HYKK: variants seen among roughly 807,000 people sequenced by gnomAD.
HYKK encodes the protein 5-hydroxy-L-lysine kinase.
A neutral mutation model predicts 29.7 loss-of-function variants in HYKK; 19 were observed. That is an observed-to-expected ratio of 0.64 (90% CI 0.45 to 0.94). The LOEUF (loss-of-function observed/expected upper bound fraction) is 0.94. Among genes scored for constraint, HYKK ranks in the 40% least tolerant of loss-of-function variants. The probability of loss-of-function intolerance (pLI) is 0.00; values close to 1 mark genes in which losing one functional copy is unlikely to be tolerated. For synonymous variants in HYKK, 152 were observed against 158.1 expected (o/e 0.96, Z 0.29); for missense variants, 390 against 443.4 (o/e 0.88, Z 1.08).
At position 78,533,391 on chromosome 15, in the gene HYKK, A is replaced by G. The variant is rs767577812; in HGVS notation, c.843A>G (p.Ile281Met). 4 of 1,614,208 alleles carry G rather than the reference A, an allele frequency of 2.5e-6. No homozygotes were observed. The highest frequency in any genetic ancestry group is 3.4e-6 in the Non-Finnish European group (4 of 1,180,036). The change falls in exon 5 of 5, where the codon ATA becomes ATG. Residue 281 changes from isoleucine (I) to methionine (M), a missense_variant. By Grantham distance (10) the Ile-to-Met change is conservative. Coordinates refer to ENST00000388988, the MANE Select transcript of HYKK (RefSeq NM_001013619.4). ...MYMMIESKSPIQVGGHVLAGF... is the reference protein window; with the variant it reads ...MYMMIESKSPMQVGGHVLAGF... ...TGATGATTGAGAGCAAGAGTCCTAT[A>G]CAAGTAGGAGGCCATGTCCTTGCAG...
At chr15:78,524,535 T>C (rs928413666) in intron 3 of HYKK, among the ~76,000 whole-genome samples, 7 of 152,204 alleles carry the variant, frequency 4.6e-5, no homozygotes, top group African/African-American at 1.7e-4. Flanking sequence ...TTTTCCCCAT[T>C]GTCTTGGCTA....
Position 78,515,053 on chromosome 15 carries a change from C to G in HYKK, c.423C>G (p.Pro141=). The change falls in exon 3 of 5, where the codon CCC becomes CCG. Residue 141 remains proline (P), a synonymous_variant. Transcript: ENST00000388988. ...CCATCGCTGAGCTTCCCGTCAGCCCCCAGCTATTGTATGAAATTGGAAAAC... is the reference window on the plus strand; with the variant it reads ...CCATCGCTGAGCTTCCCGTCAGCCCGCAGCTATTGTATGAAATTGGAAAAC... The part of the protein sequence containing the change: ...GRPIAELPVS[P]QLLYEIGKLA... 6.2e-7 allele frequency: 1 copy of G among 1,603,766 alleles called. No individual in the cohort carries two copies. The highest frequency in any genetic ancestry group is 1.7e-5 in the Admixed American group (1 of 59,306).
chr15:78,521,919 C>T (rs921229606), intron 3 of HYKK, among the ~76,000 whole-genome samples: 1 of 151,930 alleles, frequency 6.6e-6, no homozygotes, highest in African/African-American at 2.4e-5. Flanking sequence ...GAGCCTTCCC[C>T]GAGTAGACTG....
In HYKK at chr15:78,514,999, G is replaced by A; in HGVS notation, c.369G>A (p.Val123=). Residue 123 remains valine, a synonymous_variant, in exon 3 of 5, where the codon GTG becomes GTA. Transcript: ENST00000388988. The part of the protein sequence containing the change: ...DSGSEIKSYL[V]RLLTYLPGRP... Reference sequence around the variant, plus strand: ...GCTCTGAAATCAAAAGCTACTTGGTGAGGCTGCTGACTTACCTCCCAGGAA... The same window carrying A: ...GCTCTGAAATCAAAAGCTACTTGGTAAGGCTGCTGACTTACCTCCCAGGAA... 1 of 1,583,900 alleles carries A rather than the reference G, an allele frequency of 6.3e-7. No individual in the cohort carries two copies. The highest frequency in any genetic ancestry group is 8.6e-7 in the Non-Finnish European group (1 of 1,163,532).
At chr15:78,526,750 A>G (rs910838522) in intron 3 of HYKK, among the ~76,000 whole-genome samples, 5 of 152,224 alleles carry the variant, frequency 3.3e-5, no homozygotes, top group African/African-American at 4.8e-5. Flanking sequence ...ATCTTTACAT[A>G]ATTATGAGGA....
intron 1 of HYKK, among the ~76,000 whole-genome samples, chr15:78,510,388 G>A (rs2052062362): frequency 6.6e-6 from 1 of 151,676 alleles, no homozygotes; most frequent in South Asian, 2.1e-4. Flanking sequence ...TAGTAGAGAT[G>A]GGGTTTCGCC....
intron 4 of HYKK, among the ~76,000 whole-genome samples, chr15:78,531,228 T>G (rs2052309161): frequency 6.6e-6 from 1 of 152,162 alleles, no homozygotes; most frequent in Non-Finnish European, 1.5e-5. Context: ...ATTAGACAGA[T>G]CAAGCTCTAT....
intron 1 of HYKK, among the ~76,000 whole-genome samples, chr15:78,512,403 T>C (rs1221136355): frequency 6.9e-6 from 1 of 144,034 alleles, no homozygotes; most frequent in African/African-American, 2.6e-5. Context: ...TCTTTTTCTT[T>C]TTTTTTTTTT....
chr15:78,518,639 C>T (rs542964951), intron 3 of HYKK: 8 of 454,300 alleles, frequency 1.8e-5, no homozygotes, highest in Middle Eastern at 5.8e-4. Context: ...AAGACCAGGC[C>T]GGGCGCAGTA....
rs2052116914 is a variant in HYKK, at chr15:78,515,064, A to T, written c.434A>T (p.Tyr145Phe). 6.3e-7 allele frequency: 1 copy of T among 1,599,438 alleles called. No homozygotes were observed. Among genetic ancestry groups the T allele is most frequent in the Non-Finnish European group, 8.5e-7 (1 of 1,172,110 alleles). ...CTTCCCGTCAGCCCCCAGCTATTGT[A>T]TGAAATTGGAAAACTAGCTGCCAAA... ...AELPVSPQLL[Y>F]EIGKLAAKLD... The change falls in exon 3 of 5, where the codon TAT becomes TTT. Residue 145 changes from tyrosine to phenylalanine, a missense_variant. By Grantham distance (22) the Tyr-to-Phe change is conservative (BLOSUM62 3). Coordinates refer to ENST00000388988, the MANE Select transcript of HYKK (RefSeq NM_001013619.4).
At chr15:78,518,602 C>G (rs757796369) in intron 3 of HYKK, 2 of 455,612 alleles carry the variant, frequency 4.4e-6, no homozygotes, top group Non-Finnish European at 8.8e-6. Flanking sequence ...GTAAGCCCCG[C>G]GTTACACCCC....
chr15:78,535,333 AC>A lies in HYKK; in HGVS notation c.*1664del, dbSNP rs1323844435. Reference sequence around the variant, plus strand: ...GGTGGGGCGGCAGGGACAGGGTTTCACTGCAGCCTCAACCTCCTAGGCTCAG... The same window carrying A: ...GGTGGGGCGGCAGGGACAGGGTTTCATGCAGCCTCAACCTCCTAGGCTCAG... On this transcript the variant is annotated 3_prime_UTR_variant, in exon 5 of 5. Transcript: ENST00000388988. The A allele has an allele frequency of 7.5e-6, 1 of 133,874 alleles. No individual in the cohort carries two copies. Among genetic ancestry groups the A allele is most frequent in the Admixed American group, 8.8e-5 (1 of 11,404 alleles). The allele number at this position is 133,874 out of a possible 1,614,324, so 8.3% of individuals were successfully genotyped here. A position where few individuals can be genotyped will look rare whatever the true frequency, so the allele number is the denominator to read the frequency against.
intron 4 of HYKK, 199 bp downstream of exon 4, chr15:78,527,762 G>C (rs2052270365): frequency 4.5e-6 from 6 of 1,323,576 alleles, no homozygotes; most frequent in Non-Finnish European, 5.8e-6. Context: ...CTTTACATGA[G>C]TCTACCTCTC....
chr15:78,510,111 CTT>C (rs1308040125), intron 1 of HYKK, among the ~76,000 whole-genome samples: 1 of 142,694 alleles, frequency 7.0e-6, no homozygotes, highest in Non-Finnish European at 1.6e-5. Flanking sequence ...CTCTCTCTCT[CTT>C]TCTTCTTTCT....
intron 4 of HYKK, among the ~76,000 whole-genome samples, chr15:78,530,686 C>T (rs2052303396): frequency 6.6e-6 from 1 of 151,874 alleles, no homozygotes; most frequent in African/African-American, 2.4e-5. Flanking sequence ...GCTGGGGCTA[C>T]AGGCATGCAT....
chr15:78,531,557 A>T (rs1342420801), intron 4 of HYKK, among the ~76,000 whole-genome samples: 5 of 152,110 alleles, frequency 3.3e-5, no homozygotes, highest in Non-Finnish European at 7.4e-5. Context: ...TTTGAGATAG[A>T]GTCTCGCTCT....
rs769330010 is a variant in HYKK, at chr15:78,513,223, C to A, written c.135C>A (p.Asp45Glu). 1 of 1,614,166 alleles carries A rather than the reference C, an allele frequency of 6.2e-7. No individual in the cohort carries two copies. The highest frequency in any genetic ancestry group is 1.1e-5 in the South Asian group (1 of 91,086). ...SKVRPLPSYD[D>E]QNFHVYVSKT... ...TCCGGCCACTTCCTAGCTATGATGA[C>A]CAAAACTTTCATGTCTACGTTTCAA... Residue 45 changes from aspartate (D) to glutamate (E), a missense_variant, in exon 2 of 5, where the codon GAC becomes GAA. Coordinates refer to ENST00000388988, the MANE Select transcript of HYKK (RefSeq NM_001013619.4).
chr15:78,511,768 C>T (rs1259518221), intron 1 of HYKK, among the ~76,000 whole-genome samples: 3 of 151,932 alleles, frequency 2.0e-5, no homozygotes, highest in African/African-American at 7.2e-5. Flanking sequence ...TCCAGTGGCT[C>T]ACACCTGTAA....
chr15:78,520,960 G>C (rs548239904), intron 3 of HYKK, among the ~76,000 whole-genome samples: 3 of 151,570 alleles, frequency 2.0e-5, no homozygotes, highest in South Asian at 2.1e-4. Flanking sequence ...CTGGCCGGGC[G>C]GGGGGCTGAC....
Sources: gnomAD v4.1 joint callset for allele counts (sites outside exome capture counted in the v4.1 genomes callset) on GRCh38, gnomAD v4.1.1 for gene constraint, MANE v1.5 for transcripts, NCBI Gene and HGNC (gene_info 2026-07-23, HGNC 2026-07-21) for gene names.